KCNJ4: variants seen among roughly 807,000 people sequenced by gnomAD.
The protein encoded by KCNJ4 is potassium inwardly rectifying channel subfamily J member 4, also known as inward rectifier potassium channel 4.
Under a neutral mutation model 25.6 loss-of-function variants are expected in KCNJ4, and 3 were observed. The ratio of observed to expected loss-of-function variants is 0.12; its 90% CI spans 0.05 to 0.30. The LOEUF (loss-of-function observed/expected upper bound fraction) is 0.30, where lower values mean the gene tolerates loss of function less well. Among genes scored for constraint, KCNJ4 ranks in the 10% least tolerant of loss-of-function variants. The pLI, the probability that KCNJ4 is intolerant of heterozygous loss-of-function variation, is 1.00. For missense variants in KCNJ4, 286 were observed against 666.8 expected, an observed-to-expected ratio of 0.43 and a Z score of 6.29; for synonymous variants, 257 against 283.9, an observed-to-expected ratio of 0.91 and a Z score of 0.95.
chr22:38,428,463 T>C (rs536081856), intron 1 of KCNJ4, among the ~76,000 whole-genome samples: 4 of 152,190 alleles, frequency 2.6e-5, no homozygotes, highest in Non-Finnish European at 5.9e-5. Context: ...CCGGCCCTCC[T>C]ATGCTCACTG....
chr22:38,437,231 A>G (rs1285799144), intron 1 of KCNJ4, among the ~76,000 whole-genome samples: 1 of 152,200 alleles, frequency 6.6e-6, no homozygotes, highest in Non-Finnish European at 1.5e-5. Context: ...AAATGTCCAG[A>G]GGGGCCTTTG....
At position 38,431,485 on chromosome 22, in the gene KCNJ4, G is replaced by A. The variant is rs2093049559; in HGVS notation, c.-39-3314C>T. 3.3e-5 allele frequency among the ~76,000 whole-genome samples: 5 copies of A among 152,260 alleles called. No homozygotes were observed. In the South Asian group the frequency reaches 1.0e-3, roughly 32 times the overall value. ...GGGGACATGGTTTACCCCTCACCCC[G>A]GTGCCTCCCCGACAGCCCACAGCAG... On this transcript the variant is annotated intron_variant, in intron 1 of 1. Coordinates refer to ENST00000303592, the MANE Select transcript of KCNJ4 (RefSeq NM_152868.3).
chr22:38,428,814 G>A (rs2093040645), intron 1 of KCNJ4, among the ~76,000 whole-genome samples: 2 of 152,144 alleles, frequency 1.3e-5, no homozygotes, highest in Admixed American at 1.3e-4. Flanking sequence ...GCTGGGCACA[G>A]GGGCTCATGC....
chr22:38,450,396 C>T (rs2089403710), intron 1 of KCNJ4, among the ~76,000 whole-genome samples: 1 of 152,118 alleles, frequency 6.6e-6, no homozygotes, highest in Non-Finnish European at 1.5e-5. Context: ...AGGGACTGAC[C>T]TAAGGTCACA....
Position 38,426,781 on chromosome 22 carries a change from G to C in KCNJ4, c.*14C>G, listed in dbSNP as rs1423027965. On this transcript the variant is annotated 3_prime_UTR_variant, in exon 2 of 2. Coordinates refer to ENST00000303592, the MANE Select transcript of KCNJ4 (RefSeq NM_152868.3). ...GAGGCTCTTGTGGGCAGTGGTGAGG[G>C]CCGGGCCTGGAGGTCAGATGGCAGA... 1 of 1,594,698 alleles carries C rather than the reference G, an allele frequency of 6.3e-7. No homozygotes were observed.
intron 1 of KCNJ4, among the ~76,000 whole-genome samples, chr22:38,430,861 AG>A (rs2093047635): frequency 6.6e-6 from 1 of 152,224 alleles, no homozygotes; most frequent in Admixed American, 6.5e-5. Context: ...TCGGAGACCA[AG>A]GACATCCAGA....
rs546695117 is a variant in KCNJ4, at chr22:38,426,765, G to T, written c.*30C>A. 339 of 1,578,952 alleles carry T rather than the reference G, an allele frequency of 2.1e-4. 6 individuals are homozygous for T. In the South Asian group the frequency reaches 3.7e-3, roughly 17 times the overall value. On this transcript the variant is annotated 3_prime_UTR_variant, in exon 2 of 2. Coordinates refer to ENST00000303592, the MANE Select transcript of KCNJ4 (RefSeq NM_152868.3). ...CATCCCACCCCCGGCAGAGGCTCTTGTGGGCAGTGGTGAGGGCCGGGCCTG... is the reference window on the plus strand; with the variant it reads ...CATCCCACCCCCGGCAGAGGCTCTTTTGGGCAGTGGTGAGGGCCGGGCCTG...
At chr22:38,433,412 C>T (rs1237706216) in intron 1 of KCNJ4, among the ~76,000 whole-genome samples, 2 of 152,170 alleles carry the variant, frequency 1.3e-5, no homozygotes, top group Non-Finnish European at 2.9e-5. Context: ...TGTCATTGCA[C>T]TCCAGCCTGG....
At chr22:38,447,755 C>T (rs1354848715) in intron 1 of KCNJ4, among the ~76,000 whole-genome samples, 2 of 152,162 alleles carry the variant, frequency 1.3e-5, no homozygotes, top group Admixed American at 6.5e-5. Context: ...CATGCACCCT[C>T]TCCTGTGGCC....
chr22:38,436,042 C>T (rs1255295502), intron 1 of KCNJ4, among the ~76,000 whole-genome samples: 2 of 152,172 alleles, frequency 1.3e-5, no homozygotes, highest in African/African-American at 4.8e-5. Flanking sequence ...CAGGAACCCC[C>T]CGCCTGGTGC....
chr22:38,438,451 A>C (rs956444692), intron 1 of KCNJ4, among the ~76,000 whole-genome samples: 1 of 151,506 alleles, frequency 6.6e-6, no homozygotes, highest in Non-Finnish European at 1.5e-5. Flanking sequence ...GCACTTTGGG[A>C]GGCGGAGGTG....
At position 38,443,214 on chromosome 22, in the gene KCNJ4, C is replaced by T. The variant is rs933873738; in HGVS notation, c.-40+11766G>A. Among the ~76,000 whole-genome samples the T allele has an allele frequency of 6.6e-6, 1 of 152,154 alleles. No homozygotes were observed. The highest frequency in any genetic ancestry group is 1.5e-5 in the Non-Finnish European group (1 of 68,026). Reference sequence around the variant, plus strand: ...GGCCTGAGGGTCCCTCTCCAGGTCGCCCCTTGCTCTCCTGCCTCTGGCCTC... The same window carrying T: ...GGCCTGAGGGTCCCTCTCCAGGTCGTCCCTTGCTCTCCTGCCTCTGGCCTC... On this transcript the variant is annotated intron_variant, in intron 1 of 1. Transcript: ENST00000303592. The surrounding 1 kb of genome is among the most constrained non-coding windows in gnomAD (Gnocchi z 4.1).
At chr22:38,451,870 A>G (rs1025021041) in intron 1 of KCNJ4, among the ~76,000 whole-genome samples, 1 of 152,236 alleles carries the variant, frequency 6.6e-6, no homozygotes, top group Non-Finnish European at 1.5e-5. Flanking sequence ...AAACGAAGGC[A>G]TCAGACCAGT....
At chr22:38,437,209 GC>G (rs2093067934) in intron 1 of KCNJ4, among the ~76,000 whole-genome samples, 1 of 152,238 alleles carries the variant, frequency 6.6e-6, no homozygotes, top group Admixed American at 6.5e-5. Context: ...AGGCTGACAA[GC>G]AAGCTCCCCA....
intron 1 of KCNJ4, among the ~76,000 whole-genome samples, chr22:38,450,778 T>C (rs1329067331): frequency 1.3e-5 from 2 of 152,174 alleles, no homozygotes; most frequent in East Asian, 1.9e-4. Flanking sequence ...CTAAGATGCA[T>C]GGTGGTATCT....
intron 1 of KCNJ4, among the ~76,000 whole-genome samples, chr22:38,432,866 G>A (rs1178609585): frequency 2.6e-5 from 4 of 152,086 alleles, no homozygotes; most frequent in African/African-American, 7.2e-5. Context: ...AGCTTCTCGG[G>A]AGGCTGAGGC....
intron 1 of KCNJ4, among the ~76,000 whole-genome samples, chr22:38,444,242 G>T (rs2089357846): frequency 6.6e-6 from 1 of 152,194 alleles, no homozygotes; most frequent in Non-Finnish European, 1.5e-5. Flanking sequence ...GCATAGAGTA[G>T]CTGCTTCATA....
chr22:38,445,837 G>T (rs1460858474), intron 1 of KCNJ4, among the ~76,000 whole-genome samples: 3 of 152,214 alleles, frequency 2.0e-5, no homozygotes, highest in Non-Finnish European at 4.4e-5. Context: ...GGGGTTAGGA[G>T]CGGTGAAATG....
rs9610956 is a variant in KCNJ4, at chr22:38,443,869, G to A, written c.-40+11111C>T. On this transcript the variant is annotated intron_variant, in intron 1 of 1. Transcript: ENST00000303592. The surrounding 1 kb of genome is among the most constrained non-coding windows in gnomAD (Gnocchi z 4.1). ...GAGCTCTCGTCTCCCCAGGGCACTC[G>A]GGATGAACGCCCCGCCTCAGAGAGG... Among the ~76,000 whole-genome samples the A allele has an allele frequency of 0.062, 9,496 of 152,104 alleles. 339 individuals carry two copies. The highest frequency in any genetic ancestry group is 0.082 in the South Asian group (392 of 4,806).
Sources: allele counts gnomAD v4.1 joint callset (sites outside exome capture counted in the v4.1 genomes callset), GRCh38; gene constraint gnomAD v4.1.1; non-coding constraint Gnocchi (gnomAD v3.1); transcripts MANE v1.5; gene names NCBI Gene and HGNC (gene_info 2026-07-23, HGNC 2026-07-21).